The following VIP variants were observed in gnomAD, a reference collection of about 807,000 sequenced individuals.
VIP encodes vasoactive intestinal peptide, also known as VIP peptides.
Under a neutral mutation model 20.1 loss-of-function variants are expected in VIP, and 18 were observed. The observed-to-expected ratio is 0.90, with a 90% CI of 0.62 to 1.33. The LOEUF is 1.33. Among genes scored for constraint, VIP ranks in the 40% most tolerant of loss-of-function variants. VIP has a pLI of 0.00. For missense variants in VIP, 209 were observed against 199.4 expected (o/e 1.05, Z -0.29); for synonymous variants, 70 against 68.1 (o/e 1.03, Z -0.14).
chr6:152,757,275 G>A, intron 6 of VIP, 91 bp downstream of exon 6: 1 of 805,542 alleles, frequency 1.2e-6, no homozygotes, highest in South Asian at 1.9e-5. Flanking sequence ...ACATCTTAGG[G>A]TTAAATAGTT....
rs2099730911 is a variant in VIP at position 152,759,456 on chromosome 6, A to T, written c.*590A>T. On this transcript the variant is annotated 3_prime_UTR_variant, in exon 7 of 7. Transcript: ENST00000367244. ...CAACCTTTATTTTTAATGGTGTTTT[A>T]AAAAATCTCAAATTTGGATTGCTAA... 1.3e-5 allele frequency: 2 copies of T among 151,980 alleles called. No homozygotes were observed. Among genetic ancestry groups the T allele is most frequent in the Admixed American group, 1.3e-4 (2 of 15,220 alleles). 9.4% of individuals were successfully genotyped at this position (151,980 alleles called of 1,614,324 possible). A position where few individuals can be genotyped will look rare whatever the true frequency, so the allele number is the denominator to read the frequency against.
chr6:152,756,071 A>T, intron 4 of VIP, 63 bp from the exon 5 acceptor site: 1 of 1,391,954 alleles, frequency 7.2e-7, no homozygotes, highest in Non-Finnish European at 9.4e-7. Flanking sequence ...GAAACCTGGA[A>T]CATGTGTGTA....
intron 4 of VIP, 118 bp downstream of exon 4, chr6:152,755,491 T>A: frequency 1.7e-6 from 1 of 603,712 alleles, no homozygotes; most frequent in Admixed American, 4.0e-5. Context: ...TGATAATGTT[T>A]AATTTAGTTA....
intron 1 of VIP, among the ~76,000 whole-genome samples, chr6:152,751,562 T>C (rs1156852925): frequency 1.3e-5 from 2 of 152,156 alleles, no homozygotes; most frequent in African/African-American, 4.8e-5. Flanking sequence ...AGTAATATTT[T>C]GAGTATTAAT....
rs1014174278 is a variant in VIP at position 152,759,392 on chromosome 6, G to A, written c.*526G>A. The stretch of plus-strand genomic sequence containing the variant: ...AGATAAAAAGACATTCTTCCAAAAA[G>A]ATTTTCAGAAAATATTATGTGTTTC... On this transcript the variant is annotated 3_prime_UTR_variant, in exon 7 of 7. Transcript: ENST00000367244. 1 of 151,898 alleles carries A rather than the reference G, an allele frequency of 6.6e-6. No individual in the cohort carries two copies. The highest frequency in any genetic ancestry group is 6.6e-5 in the Admixed American group (1 of 15,204). The allele number at this position is 151,898 out of a possible 1,614,324, so 9.4% of individuals were successfully genotyped here.
At chr6:152,756,865 C>T (rs555770463) in intron 5 of VIP, among the ~76,000 whole-genome samples, 1 of 151,690 alleles carries the variant, frequency 6.6e-6, no homozygotes, top group Non-Finnish European at 1.5e-5. Flanking sequence ...TGGGTGTGAT[C>T]AGACAAGATG....
intron 4 of VIP, 98 bp from the exon 5 acceptor site, chr6:152,756,036 G>T: frequency 7.8e-7 from 1 of 1,275,852 alleles, no homozygotes; most frequent in Non-Finnish European, 1.0e-6. Flanking sequence ...TAGTTGGGTG[G>T]GAATTGCTTT....
chr6:152,755,582 C>T (rs2099730306), intron 4 of VIP, among the ~76,000 whole-genome samples: 1 of 151,832 alleles, frequency 6.6e-6, no homozygotes, highest in African/African-American at 2.4e-5. Flanking sequence ...TTCATTGACT[C>T]CAGACACACA....
At chr6:152,758,604 T>G (rs141914740) in intron 6 of VIP, among the ~76,000 whole-genome samples, 30 of 152,130 alleles carry the variant, frequency 2.0e-4, no homozygotes, top group African/African-American at 7.2e-4. Flanking sequence ...TTTTCTTTTT[T>G]AAATGGGTGG....
At chr6:152,754,313 C>T (rs775244217) in intron 3 of VIP, 25 bp downstream of exon 3, 6 of 1,576,696 alleles carry the variant, frequency 3.8e-6, no homozygotes, top group Non-Finnish European at 5.2e-6. Flanking sequence ...ATAAAACTAT[C>T]CAATGAGTTT....
intron 1 of VIP, 65 bp downstream of exon 1, chr6:152,751,024 T>A (rs1283731272): frequency 6.6e-6 from 1 of 152,186 alleles, no homozygotes; most frequent in Non-Finnish European, 1.5e-5. Context: ...TCTCACAAAA[T>A]AATGAATTTT....
chr6:152,754,264 A>G lies in VIP; in HGVS notation c.206A>G (p.Asp69Gly), dbSNP rs1340857706. Residue 69 changes from aspartate to glycine, a missense_variant, in exon 3 of 7, where the codon GAC (aspartate) becomes GGC (glycine). By Grantham distance (94) the Asp-to-Gly change is moderately conservative. Transcript: ENST00000367244. ...DMLQNALAEN[D>G]TPYYDVSRNA... Reference sequence around the variant, plus strand: ...TTGCAAAATGCATTAGCTGAAAATGACACACCCTATTATGATGTATCCAGG... The same window carrying G: ...TTGCAAAATGCATTAGCTGAAAATGGCACACCCTATTATGATGTATCCAGG... 1 of 1,611,042 alleles carries G rather than the reference A, an allele frequency of 6.2e-7. No individual in the cohort carries two copies. The highest frequency in any genetic ancestry group is 1.7e-5 in the Admixed American group (1 of 59,742).
intron 1 of VIP, among the ~76,000 whole-genome samples, chr6:152,751,712 C>T (rs2099729666): frequency 6.6e-6 from 1 of 152,178 alleles, no homozygotes; most frequent in South Asian, 2.1e-4. Flanking sequence ...TATATTTATA[C>T]ATTTGCACAC....
intron 1 of VIP, 40 bp from the exon 2 acceptor site, chr6:152,752,128 A>C: frequency 6.7e-7 from 1 of 1,482,046 alleles, no homozygotes; most frequent in South Asian, 1.1e-5. Context: ...TGCTGGTGAC[A>C]TCTTTGGCTG....
At chr6:152,756,315 A>G in intron 5 of VIP, 50 bp downstream of exon 5, 2 of 1,572,134 alleles carry the variant, frequency 1.3e-6, no homozygotes, top group Non-Finnish European at 1.7e-6. Context: ...CTGACTTTCA[A>G]AATAGAAGCT....
At chr6:152,752,370 A>C in intron 2 of VIP, 86 bp downstream of exon 2, 1 of 1,102,878 alleles carries the variant, frequency 9.1e-7, no homozygotes, top group Non-Finnish European at 1.3e-6. Flanking sequence ...ACAACTAAAT[A>C]GTATAAATTA....
At chr6:152,753,383 G>A (rs1022838759) in intron 2 of VIP, among the ~76,000 whole-genome samples, 1 of 152,044 alleles carries the variant, frequency 6.6e-6, no homozygotes, top group African/African-American at 2.4e-5. Context: ...GTGAAAATCT[G>A]CACACACAAA....
chr6:152,756,413 A>C, intron 5 of VIP, 148 bp downstream of exon 5: 6 of 929,422 alleles, frequency 6.5e-6, no homozygotes, highest in Non-Finnish European at 9.2e-6. Flanking sequence ...ACTACCCCGC[A>C]GAACTTTAAA....
At chr6:152,755,202 T>G in intron 3 of VIP, 67 bp from the exon 4 acceptor site, 1 of 1,024,528 alleles carries the variant, frequency 9.8e-7, no homozygotes, top group Admixed American at 2.7e-5. Flanking sequence ...TGTTATTTAA[T>G]AAGCCATAAT....
Sources: allele counts gnomAD v4.1 joint callset (sites outside exome capture counted in the v4.1 genomes callset), GRCh38; gene constraint gnomAD v4.1.1; transcripts MANE v1.5; gene names NCBI Gene and HGNC (gene_info 2026-07-23, HGNC 2026-07-21).